Variants in TTN observed in about 807,000 individuals in gnomAD.
The protein encoded by TTN is connectin.
In TTN, 1,525 loss-of-function variants were observed where a neutral mutation model predicts 3,223.0. The ratio of observed to expected loss-of-function variants is 0.47; its 90% CI spans 0.45 to 0.49. TTN has a LOEUF of 0.49. TTN is among the 20% of genes least tolerant of loss of function. The pLI is 0.00. For synonymous variants in TTN, 14,094 were observed against 15,161.0 expected, an observed-to-expected ratio of 0.93 and a Z score of 5.17; for missense variants, 40,786 against 43,424.0, an observed-to-expected ratio of 0.94 and a Z score of 5.40.
chr2:178,783,136 G>A, intron 17 of TTN, 72 bp from the exon 18 acceptor site: 1 of 1,568,882 alleles, frequency 6.4e-7, no homozygotes, highest in South Asian at 1.1e-5. Context: ...TGTAACAAAT[G>A]TAGAGTTTGA....
In TTN at chr2:178,597,737, A is replaced by G. The variant is rs879000172; in HGVS notation, c.57345T>C (p.Tyr19115=). The G allele has an allele frequency of 6.2e-7, 1 of 1,613,316 alleles. No individual in the cohort carries two copies. The highest frequency in any genetic ancestry group is 1.3e-5 in the African/African-American group (1 of 75,018). ...CGGTTGGAGGAGGCTTTCCAGACAC[A>G]TAGGCAATGATTCGGATCACCCCTC... ...HAGGVIRIIA[Y]VSGKPPPTVT... The change falls in exon 294 of 363, where the codon TAT becomes TAC. Residue 19115 remains tyrosine, a synonymous_variant. Transcript: ENST00000589042.
chr2:178,540,551 G>C (rs1693912030), intron 350 of TTN, among the ~76,000 whole-genome samples, 181 bp from the exon 351 acceptor site: 2 of 152,104 alleles, frequency 1.3e-5, no homozygotes, highest in Admixed American at 6.6e-5. Flanking sequence ...ACAGCAAGTT[G>C]GGAGGCCAAG....
In TTN at chr2:178,675,673, T is replaced by A; in HGVS notation, c.34535A>T (p.Lys11512Ile). Residue 11512 changes from lysine (K) to isoleucine (I), a missense_variant and splice_region_variant, in exon 149 of 363, where the codon AAA becomes ATA. Coordinates refer to ENST00000589042, the MANE Select transcript of TTN (RefSeq NM_001267550.2). The stretch of plus-strand genomic sequence containing the variant: ...ATCCCTGTTATGGGATGATGTACCT[T>A]TGGCAGGAGGGGCCACTGCTTTCTT... The part of the protein sequence containing the change: ...GLKKAVAPPA[K>I]VPEVPKKVEE... The A allele has an allele frequency of 7.1e-7, 1 of 1,416,624 alleles. No homozygotes were observed. The highest frequency in any genetic ancestry group is 9.1e-7 in the Non-Finnish European group (1 of 1,094,552). 87.8% of individuals were successfully genotyped at this position (1,416,624 alleles called of 1,614,324 possible).
chr2:178,732,990 C>T lies in TTN; in HGVS notation c.16186G>A (p.Glu5396Lys), dbSNP rs780211454. 1 of 1,613,588 alleles carries T rather than the reference C, an allele frequency of 6.2e-7. No homozygotes were observed. The highest frequency in any genetic ancestry group is 1.1e-5 in the South Asian group (1 of 91,080). ...CTGTATCTGTCAGAAGCAGCTATTT[C>T]TTTGCCATCCTTAAACCAGGACACC... ...MRVSWFKDGK[E>K]IAASDRYRIA... Residue 5396 changes from glutamate to lysine, a missense_variant, in exon 55 of 363, where the codon GAA (glutamate) becomes AAA (lysine). Transcript: ENST00000589042.
intron 130 of TTN, 58 bp downstream of exon 130, chr2:178,684,848 T>A: frequency 6.5e-7 from 1 of 1,542,818 alleles, no homozygotes; most frequent in South Asian, 1.2e-5. Flanking sequence ...ATCTGAAGAA[T>A]GTATCAATTT....
At chr2:178,795,375 C>CA (rs1464492270) in intron 6 of TTN, 123 bp from the exon 7 acceptor site, 1 of 837,658 alleles carries the variant, frequency 1.2e-6, no homozygotes, top group Non-Finnish European at 2.0e-6. Context: ...CTCCATAACC[C>CA]ATTCAGAGGG....
Position 178,571,369 on chromosome 2 carries a change from G to A in TTN, c.74763C>T (p.Ser24921=), listed in dbSNP as rs371563258. The A allele has an allele frequency of 1.7e-5, 28 of 1,613,228 alleles. No homozygotes were observed. The East Asian group carries it at 2.7e-4, about 15-fold the overall frequency. The change falls in exon 326 of 363, where the codon TCC becomes TCT. Residue 24921 remains serine (S), a synonymous_variant. Transcript: ENST00000589042. The part of the protein sequence containing the change: ...PPGTPVVTLS[S]RDSMEVQWNE... Reference sequence around the variant, plus strand: ...TCCATTGTACTTCCATGCTGTCCCTGGAGGACAGTGTGACAACTGGAGTGC... The same window carrying A: ...TCCATTGTACTTCCATGCTGTCCCTAGAGGACAGTGTGACAACTGGAGTGC...
chr2:178,594,361 G>A lies in TTN; in HGVS notation c.58133C>T (p.Thr19378Ile), dbSNP rs371456511. Reference sequence around the variant, plus strand: ...ACACATACCCAGCTCATCCTTGCAAGTAATTGGTTTGGTGCAAAATGATGG... The same window carrying A: ...ACACATACCCAGCTCATCCTTGCAAATAATTGGTTTGGTGCAAAATGATGG... Reference protein sequence around the residue: ...GKPSFCTKPITCKDELAPPTL... With the variant: ...GKPSFCTKPIICKDELAPPTL... Residue 19378 changes from threonine to isoleucine, a missense_variant, in exon 296 of 363, where the codon ACT (threonine) becomes ATT (isoleucine). Physicochemically the swap from Thr to Ile is moderately conservative, Grantham distance 89. Coordinates refer to ENST00000589042, the MANE Select transcript of TTN (RefSeq NM_001267550.2). The A allele has an allele frequency of 2.5e-6, 4 of 1,594,216 alleles. No individual in the cohort carries two copies. The highest frequency in any genetic ancestry group is 3.4e-6 in the Non-Finnish European group (4 of 1,170,946).
At chr2:178,545,767 CCT>C (rs1466320721) in intron 343 of TTN, 51 bp downstream of exon 343, 2 of 1,598,840 alleles carry the variant, frequency 1.3e-6, no homozygotes, top group Non-Finnish European at 8.5e-7. Context: ...CCCTTCTCCC[CCT>C]GATTCTATTA....
chr2:178,741,022 T>C lies in TTN; in HGVS notation c.12211A>G (p.Ile4071Val). 1 of 1,613,922 alleles carries C rather than the reference T, an allele frequency of 6.2e-7. No homozygotes were observed. The highest frequency in any genetic ancestry group is 1.1e-5 in the South Asian group (1 of 91,088). The change falls in exon 48 of 363, where the codon ATT becomes GTT. Residue 4071 changes from isoleucine to valine, a missense_variant. Coordinates refer to ENST00000589042, the MANE Select transcript of TTN (RefSeq NM_001267550.2). ...AVEALDSEQE[I>V]ATFVKDTILK... ...ATGGTGTCTTTTACAAACGTTGCAA[T>C]TTCCTGCTCTGAGTCAAGTGCTTCA...
Position 178,635,726 on chromosome 2 carries a change from A to C in TTN, c.41609-11T>G, listed in dbSNP as rs1163532017. ...AATCTCTAATGACTTCTATATGAAA[A>C]TAAGATCAGAAAAAATGATTAAGGT... On this transcript the variant is annotated splice_polypyrimidine_tract_variant and intron_variant, in intron 226 of 362. Transcript: ENST00000589042. The C allele has an allele frequency of 1.3e-6, 2 of 1,583,540 alleles. No individual in the cohort carries two copies. Among genetic ancestry groups the C allele is most frequent in the African/African-American group, 2.7e-5 (2 of 73,664 alleles).
chr2:178,562,963 C>CTAG lies in TTN; in HGVS notation c.83168_83169insCTA (p.Glu27723delinsAspTer). ...CCAACATTGTAAATGAGCTGGTCAC[C>CTAG]TCTATCTGAGCCCTGTCAGTGAGAA... On this transcript the variant is annotated stop_gained and protein_altering_variant, in exon 326 of 363. Transcript: ENST00000589042. LOFTEE classifies it high-confidence loss of function. 1 of 1,613,724 alleles carries CTAG rather than the reference C, an allele frequency of 6.2e-7. No individual in the cohort carries two copies. Among genetic ancestry groups the CTAG allele is most frequent in the Non-Finnish European group, 8.5e-7 (1 of 1,179,748 alleles).
At chr2:178,779,900 G>C in intron 22 of TTN, 100 bp downstream of exon 22, 1 of 1,235,738 alleles carries the variant, frequency 8.1e-7, no homozygotes, top group Non-Finnish European at 1.2e-6. Flanking sequence ...TCTAATAGCT[G>C]TCTAACCCCG....
intron 1 of TTN, 126 bp from the exon 2 acceptor site, chr2:178,804,781 T>G: frequency 1.2e-6 from 1 of 820,054 alleles, no homozygotes; most frequent in South Asian, 1.6e-5. Context: ...GGGCCTAGAG[T>G]GATGGGCAGG....
Position 178,634,299 on chromosome 2 carries a change from T to C in TTN, c.42415+67A>G. ...TTATCACAGCTTTTAGAACTTGGCG[T>C]CCTATCTTTAAAGTCATATATTTGC... On this transcript the variant is annotated intron_variant, in intron 230 of 362. Coordinates refer to ENST00000589042, the MANE Select transcript of TTN (RefSeq NM_001267550.2). The surrounding 1 kb of genome is among the most constrained non-coding windows in gnomAD (Gnocchi z 4.6). 2 of 1,552,232 alleles carry C rather than the reference T, an allele frequency of 1.3e-6. No homozygotes were observed. The highest frequency in any genetic ancestry group is 2.4e-5 in the South Asian group (2 of 82,070).
intron 361 of TTN, 61 bp from the exon 362 acceptor site, chr2:178,527,809 G>A: frequency 6.9e-7 from 1 of 1,457,056 alleles, no homozygotes; most frequent in Non-Finnish European, 9.2e-7. Context: ...GATGACATAT[G>A]ACGCTGACTT....
chr2:178,659,474 C>A (rs1159151947), intron 180 of TTN, among the ~76,000 whole-genome samples: 2 of 146,704 alleles, frequency 1.4e-5, no homozygotes, highest in African/African-American at 4.9e-5. Flanking sequence ...GCAGAAAGGG[C>A]CTTTGACAAA....
At chr2:178,805,395 G>A (rs1342236940) in intron 1 of TTN, among the ~76,000 whole-genome samples, 1 of 148,946 alleles carries the variant, frequency 6.7e-6, no homozygotes, top group African/African-American at 2.5e-5. Context: ...CATCAGCTTA[G>A]TAAGTGAAAA....
At chr2:178,635,797 G>A in intron 226 of TTN, 82 bp from the exon 227 acceptor site, 2 of 1,525,136 alleles carry the variant, frequency 1.3e-6, no homozygotes, top group Non-Finnish European at 1.8e-6. Context: ...TTCAGGAATA[G>A]GAAAAATTTC....
Sources: allele counts gnomAD v4.1 joint callset (sites outside exome capture counted in the v4.1 genomes callset), GRCh38; gene constraint gnomAD v4.1.1; non-coding constraint Gnocchi (gnomAD v3.1); transcripts MANE v1.5; gene names NCBI Gene and HGNC (gene_info 2026-07-23, HGNC 2026-07-21).